The following VCL variants were observed in gnomAD, a reference collection of about 807,000 sequenced individuals.
VCL encodes epididymis luminal protein 114.
VCL carries 47 observed loss-of-function variants against 125.7 expected under a neutral mutation model. The ratio of observed to expected loss-of-function variants is 0.37; its 90% CI spans 0.30 to 0.48. VCL has a LOEUF of 0.48. Ranked by LOEUF, VCL falls within the 20% of genes least tolerant of loss-of-function variation. VCL has a pLI of 0.99. For synonymous variants in VCL, 458 were observed against 514.6 expected, an observed-to-expected ratio of 0.89 and a Z score of 1.49; for missense variants, 1,069 against 1,455.5, an observed-to-expected ratio of 0.73 and a Z score of 4.32.
intron 21 of VCL, among the ~76,000 whole-genome samples, chr10:74,115,366 G>C (rs1473475515): frequency 6.6e-6 from 1 of 151,484 alleles, no homozygotes; most frequent in Admixed American, 6.6e-5. Context: ...AAAATAGCAA[G>C]ACCCCATCTC....
In VCL at chr10:74,097,316, C is replaced by G; in HGVS notation, c.1856C>G (p.Ala619Gly). The G allele has an allele frequency of 6.2e-7, 1 of 1,613,432 alleles. No individual in the cohort carries two copies. Among genetic ancestry groups the G allele is most frequent in the Non-Finnish European group, 8.5e-7 (1 of 1,179,782 alleles). ...LAVAATAPPDAPNREEVFDER... is the reference protein window; with the variant it reads ...LAVAATAPPDGPNREEVFDER... ...GTGGCAGCCACGGCGCCTCCTGATG[C>G]GCCTAACAGGGAAGAGGTGGGTATC... The change falls in exon 13 of 22, where the codon GCG becomes GGG. Residue 619 changes from alanine to glycine, a missense_variant. By Grantham distance (60) the Ala-to-Gly change is moderately conservative. This residue lies in a region of VCL where 760 missense variants were observed against 928.9 expected (regional missense o/e 0.82). Coordinates refer to ENST00000211998, the MANE Select transcript of VCL (RefSeq NM_014000.3). This position sits in a 1 kb window ranked among gnomAD's most constrained non-coding sequence, Gnocchi z 4.1.
At chr10:74,039,518 C>T (rs1348649746) in intron 1 of VCL, among the ~76,000 whole-genome samples, 1 of 151,882 alleles carries the variant, frequency 6.6e-6, no homozygotes, top group East Asian at 1.9e-4. Context: ...CGTGGTGGCT[C>T]ATGACTGTAA....
chr10:74,012,536 AC>A (rs755904224), intron 1 of VCL, among the ~76,000 whole-genome samples: 6 of 152,230 alleles, frequency 3.9e-5, no homozygotes, highest in Admixed American at 6.5e-5. Context: ...TGTGTTAACT[AC>A]TACAAATACA....
intron 6 of VCL, 91 bp from the exon 7 acceptor site, chr10:74,082,363 T>G (rs1265943880): frequency 7.2e-7 from 1 of 1,391,346 alleles, no homozygotes; most frequent in Non-Finnish European, 1.0e-6. Context: ...TAGCTATGTA[T>G]GTTAATGCTG....
At chr10:74,117,326 G>A (rs1396687999) in intron 21 of VCL, among the ~76,000 whole-genome samples, 1 of 152,110 alleles carries the variant, frequency 6.6e-6, no homozygotes, top group Non-Finnish European at 1.5e-5. Context: ...AAAATACGTA[G>A]TGTATCAGTT....
rs570134112 is a variant in VCL at position 74,090,217 on chromosome 10, C to CA, written c.1352+20dup. On this transcript the variant is annotated intron_variant, in intron 10 of 21. Transcript: ENST00000211998. ...GAAGACAGTATGTATTTAACCCTTACATTGCCTTTTCATATCTTTTCTTCT... is the reference window on the plus strand; with the variant it reads ...GAAGACAGTATGTATTTAACCCTTACAATTGCCTTTTCATATCTTTTCTTCT... 4.2e-5 allele frequency: 67 copies of CA among 1,613,560 alleles called. No homozygotes were observed. The South Asian group carries it at 6.2e-4, about 15-fold the overall frequency.
intron 14 of VCL, among the ~76,000 whole-genome samples, chr10:74,102,930 G>A (rs1052473827): frequency 6.6e-6 from 1 of 151,728 alleles, no homozygotes; most frequent in African/African-American, 2.4e-5. Flanking sequence ...GCAGTGGCAT[G>A]ATCTTGGCTC....
rs727504585 is a variant in VCL, at chr10:74,072,840, G to C, written c.610G>C (p.Val204Leu). The C allele has an allele frequency of 1.4e-5, 22 of 1,613,958 alleles. No homozygotes were observed. In the Middle Eastern group the frequency reaches 9.9e-4, roughly 73 times the overall value. ...SMNTVKELLPVLISAMKIFVT... is the reference protein window; with the variant it reads ...SMNTVKELLPLLISAMKIFVT... ...GAACACCGTGAAAGAGTTGCTGCCA[G>C]TTCTCATTTCAGGTACTTCCTGCCT... The change falls in exon 5 of 22, where the codon GTT (valine) becomes CTT (leucine). Residue 204 changes from valine (V) to leucine (L), a missense_variant. Around this residue, in one of 6 missense-constraint regions of VCL, gnomAD observed 760 missense variants for 928.9 expected, o/e 0.82. Coordinates refer to ENST00000211998, the MANE Select transcript of VCL (RefSeq NM_014000.3).
Position 74,111,871 on chromosome 10 carries a change from A to G in VCL, c.2746-38A>G, listed in dbSNP as rs924179262. The G allele has an allele frequency of 6.8e-6, 11 of 1,612,762 alleles. No individual in the cohort carries two copies. In the South Asian group the frequency reaches 1.1e-4, roughly 16 times the overall value. On this transcript the variant is annotated intron_variant, in intron 18 of 21. Coordinates refer to ENST00000211998, the MANE Select transcript of VCL (RefSeq NM_014000.3). ...CCCAAGTCGTATTGCTCTTACTAAC[A>G]CTATCCCTATTTCTCATCCTTCCCG...
At chr10:74,082,709 G>A (rs973897360) in intron 7 of VCL, among the ~76,000 whole-genome samples, 165 bp downstream of exon 7, 6 of 152,194 alleles carry the variant, frequency 3.9e-5, no homozygotes, top group African/African-American at 9.7e-5. Context: ...GCAAGTAGTA[G>A]GCCTTACAAG....
chr10:74,020,211 A>G (rs1840634932), intron 1 of VCL, among the ~76,000 whole-genome samples: 1 of 152,192 alleles, frequency 6.6e-6, no homozygotes, highest in Admixed American at 6.5e-5. Flanking sequence ...GAGTGCAAAT[A>G]TTTTTATTAT....
Position 74,114,204 on chromosome 10 carries a change from A to T in VCL, c.2970A>T (p.Ala990=), listed in dbSNP as rs1392822840. 2 of 1,613,698 alleles carry T rather than the reference A, an allele frequency of 1.2e-6. No homozygotes were observed. The highest frequency in any genetic ancestry group is 3.3e-5 in the Admixed American group (2 of 60,004). ...TCTAGGGCAATGACATCATTGCAGC[A>T]GCCAAGCGCATGGCTCTGCTGATGG... ...WSSKGNDIIA[A]AKRMALLMAE... Residue 990 remains alanine (A), a synonymous_variant, in exon 20 of 22, where the codon GCA becomes GCT. Coordinates refer to ENST00000211998, the MANE Select transcript of VCL (RefSeq NM_014000.3).
At chr10:74,029,089 G>A (rs927320243) in intron 1 of VCL, among the ~76,000 whole-genome samples, 2 of 151,956 alleles carry the variant, frequency 1.3e-5, no homozygotes, top group Non-Finnish European at 2.9e-5. Flanking sequence ...AAAGTGCTGG[G>A]ATTACAGGCG....
intron 6 of VCL, chr10:74,075,839 C>G (rs561735007): frequency 6.5e-6 from 1 of 152,722 alleles, no homozygotes; most frequent in Non-Finnish European, 1.5e-5. Context: ...ATCACCAGCC[C>G]TCTCTCTTGT....
chr10:74,003,469 C>A (rs1358395689), intron 1 of VCL, among the ~76,000 whole-genome samples: 1 of 152,140 alleles, frequency 6.6e-6, no homozygotes, highest in Non-Finnish European at 1.5e-5. Flanking sequence ...AGAAATGTGT[C>A]AGTCTGTGAT....
chr10:74,087,971 C>T (rs1243676837), intron 8 of VCL, among the ~76,000 whole-genome samples: 1 of 152,100 alleles, frequency 6.6e-6, no homozygotes, highest in Non-Finnish European at 1.5e-5. Context: ...CCACTTCATT[C>T]CAGCCTGGAA....
At chr10:74,064,109 C>T (rs1841524725) in intron 2 of VCL, among the ~76,000 whole-genome samples, 1 of 152,158 alleles carries the variant, frequency 6.6e-6, no homozygotes, top group Non-Finnish European at 1.5e-5. Context: ...TACAACTCCC[C>T]GCTTTCGGGT....
chr10:74,097,374 A>G lies in VCL; in HGVS notation c.1872+42A>G. 1 of 1,603,740 alleles carries G rather than the reference A, an allele frequency of 6.2e-7. No individual in the cohort carries two copies. The highest frequency in any genetic ancestry group is 8.5e-7 in the Non-Finnish European group (1 of 1,176,528). ...TTCCATTTTTCTGTCAGCCTGTGCT[A>G]TAGGTATATGTAAAGGTGAAATGTG... On this transcript the variant is annotated intron_variant, in intron 13 of 21. Transcript: ENST00000211998. This position sits in a 1 kb window ranked among gnomAD's most constrained non-coding sequence, Gnocchi z 4.1.
Position 74,055,383 on chromosome 10 carries a change from C to T in VCL, c.239+12230C>T, listed in dbSNP as rs180866179. ...TTTTTGAGACAGGATCTTGCTATGT[C>T]ACCTAGGCTGGAATGTAGTTGTGTG... On this transcript the variant is annotated intron_variant, in intron 2 of 21. Coordinates refer to ENST00000211998, the MANE Select transcript of VCL (RefSeq NM_014000.3). Among the ~76,000 whole-genome samples, 381 of 152,034 alleles carry T rather than the reference C, an allele frequency of 2.5e-3. 1 individual carries two copies. Among genetic ancestry groups the T allele is most frequent in the African/African-American group, 8.7e-3 (360 of 41,476 alleles).
Sources: allele counts gnomAD v4.1 joint callset (sites outside exome capture counted in the v4.1 genomes callset), GRCh38; gene constraint gnomAD v4.1.1; regional missense constraint gnomAD v4.1.1; non-coding constraint Gnocchi (gnomAD v3.1); transcripts MANE v1.5; gene names NCBI Gene and HGNC (gene_info 2026-07-23, HGNC 2026-07-21).